Variants in FGD5 observed in about 807,000 individuals in gnomAD.
FGD5 encodes the protein FYVE, RhoGEF and PH domain containing 5, also known as FYVE, RhoGEF and PH domain-containing protein 5.
Under a neutral mutation model 133.4 loss-of-function variants are expected in FGD5, and 28 were observed. The ratio of observed to expected loss-of-function variants is 0.21; its 90% confidence interval spans 0.16 to 0.29. The LOEUF is 0.29. FGD5 is among the 10% of genes least tolerant of loss of function. FGD5 has a pLI of 1.00. For synonymous variants in FGD5, 810 were observed against 776.5 expected (o/e 1.04, Z -0.72); for missense variants, 1,858 against 1,895.2 (o/e 0.98, Z 0.36).
At chr3:14,890,455 G>T (rs1400115625) in intron 4 of FGD5, among the ~76,000 whole-genome samples, 1 of 152,184 alleles carries the variant, frequency 6.6e-6, no homozygotes. Context: ...TTTGCTGAAT[G>T]AATAAAGGAA....
chr3:14,819,014 G>T lies in FGD5; in HGVS notation c.-58G>T. On this transcript the variant is annotated 5_prime_UTR_variant, in exon 1 of 20. Transcript: ENST00000285046. This position sits in a 1 kb window ranked among gnomAD's most constrained non-coding sequence, Gnocchi z 4.1. ...AGACTACCAGTCCACTGACGCCAGT[G>T]ACCGCGCCCAAATTCCCTTCCTCAG... 2.0e-6 allele frequency: 3 copies of T among 1,484,972 alleles called. No individual in the cohort carries two copies. The South Asian group carries it at 4.1e-5, about 20-fold the overall frequency. 92.0% of individuals were successfully genotyped at this position (1,484,972 alleles called of 1,614,324 possible).
chr3:14,894,923 C>CATT (rs2038103906), intron 4 of FGD5, among the ~76,000 whole-genome samples: 4 of 41,110 alleles, frequency 9.7e-5, no homozygotes, highest in African/African-American at 1.4e-4. Context: ...TGAGATGATA[C>CATT]CTTGTAGTTT....
Position 14,841,328 on chromosome 3 carries a change from A to G in FGD5, c.2525+19732A>G, listed in dbSNP as rs77208770. Reference sequence around the variant, plus strand: ...AAGACAGATGGAGTTACCGTCTTAAAGTGTTACATGCAGGATGAGCATTTA... The same window carrying G: ...AAGACAGATGGAGTTACCGTCTTAAGGTGTTACATGCAGGATGAGCATTTA... On this transcript the variant is annotated intron_variant, in intron 1 of 19. Transcript: ENST00000285046. Among the ~76,000 whole-genome samples, 1,044 of 152,334 alleles carry G rather than the reference A, an allele frequency of 6.9e-3. 28 individuals carry two copies. The highest frequency in any genetic ancestry group is 0.053 in the East Asian group (274 of 5,184).
At chr3:14,880,678 G>A (rs375626114) in intron 3 of FGD5, 48 bp downstream of exon 3, 18 of 1,613,804 alleles carry the variant, frequency 1.1e-5, no homozygotes, top group East Asian at 8.9e-5. Flanking sequence ...TAAACAAAAC[G>A]TCACCCTCCT....
chr3:14,821,194 C>T lies in FGD5; in HGVS notation c.2123C>T (p.Ser708Phe). The change falls in exon 1 of 20, where the codon TCT becomes TTT. Residue 708 changes from serine to phenylalanine, a missense_variant. Ser to Phe is a radical substitution (Grantham distance 155). Coordinates refer to ENST00000285046, the MANE Select transcript of FGD5 (RefSeq NM_152536.4). The part of the protein sequence containing the change: ...RSLSNSPQLK[S>F]RTGKLRASES... ...CTCAGCAACTCCCCTCAGCTTAAGT[C>T]TCGGACTGGGAAGCTCCGGGCTTCT... 1 of 1,613,972 alleles carries T rather than the reference C, an allele frequency of 6.2e-7. No individual in the cohort carries two copies. The highest frequency in any genetic ancestry group is 8.5e-7 in the Non-Finnish European group (1 of 1,179,888).
intron 2 of FGD5, among the ~76,000 whole-genome samples, chr3:14,874,255 A>G (rs1377428266): frequency 6.6e-6 from 1 of 152,160 alleles, no homozygotes; most frequent in East Asian, 1.9e-4. Flanking sequence ...ATGGTGGCTC[A>G]TGCCTGTGTT....
At chr3:14,851,939 C>T (rs896028120) in intron 1 of FGD5, among the ~76,000 whole-genome samples, 1 of 148,466 alleles carries the variant, frequency 6.7e-6, no homozygotes, top group African/African-American at 2.5e-5. Flanking sequence ...AAAAAAAAGG[C>T]AGACAATAAC....
chr3:14,825,645 T>A (rs2036586004), intron 1 of FGD5, among the ~76,000 whole-genome samples: 1 of 152,086 alleles, frequency 6.6e-6, no homozygotes, highest in African/African-American at 2.4e-5. Flanking sequence ...CAGACCCTGA[T>A]TCAAAAGAAA....
chr3:14,859,930 A>C (rs912215202), intron 1 of FGD5, among the ~76,000 whole-genome samples: 3 of 152,260 alleles, frequency 2.0e-5, no homozygotes, highest in Admixed American at 2.0e-4. Context: ...AACTGTTTCC[A>C]TGTCATTAAA....
At position 14,923,157 on chromosome 3, in the gene FGD5, G is replaced by A; in HGVS notation, c.3919G>A (p.Val1307Ile). Residue 1307 changes from valine to isoleucine, a missense_variant, in exon 16 of 20, where the codon GTC (valine) becomes ATC (isoleucine). Val to Ile is a conservative substitution (Grantham distance 29). This residue lies in a region of FGD5 where 1,824 missense variants were observed against 1,848.9 expected (regional missense o/e 0.99). Transcript: ENST00000285046. ...GGAGCTGAAGAAGCGGGGCAGGGCT[G>A]TCCCGGGCCTGATGAGAGGTAACCT... The part of the protein sequence containing the change: ...FGELKKRGRA[V>I]PGLMRERPVS... 2 of 1,613,482 alleles carry A rather than the reference G, an allele frequency of 1.2e-6. No individual in the cohort carries two copies. Among genetic ancestry groups the A allele is most frequent in the Non-Finnish European group, 1.7e-6 (2 of 1,179,776 alleles).
At chr3:14,858,270 A>G (rs2037324715) in intron 1 of FGD5, among the ~76,000 whole-genome samples, 1 of 148,608 alleles carries the variant, frequency 6.7e-6, no homozygotes, top group South Asian at 2.2e-4. Flanking sequence ...GGTGAGAAGG[A>G]GGGATGGCTG....
At position 14,819,903 on chromosome 3, in the gene FGD5, G is replaced by A. The variant is rs1322352192; in HGVS notation, c.832G>A (p.Gly278Arg). 1 of 1,613,908 alleles carries A rather than the reference G, an allele frequency of 6.2e-7. No homozygotes were observed. Among genetic ancestry groups the A allele is most frequent in the South Asian group, 1.1e-5 (1 of 91,070 alleles). ...AGACTGCCCTGAAGTTCTTGAGGAG[G>A]GATGTGAAGAGGCCACGGGTGTCAC... ...ATDCPEVLEE[G>R]CEEATGVTGG... The change falls in exon 1 of 20, where the codon GGA becomes AGA. Residue 278 changes from glycine (G) to arginine (R), a missense_variant. By Grantham distance (125) the Gly-to-Arg change is moderately radical (BLOSUM62 -2). Around this residue, in one of 3 missense-constraint regions of FGD5, gnomAD observed 1,824 missense variants for 1,848.9 expected, o/e 0.99. Transcript: ENST00000285046. This position sits in a 1 kb window ranked among gnomAD's most constrained non-coding sequence, Gnocchi z 4.1.
intron 1 of FGD5, among the ~76,000 whole-genome samples, chr3:14,851,550 G>A (rs1423309288): frequency 1.3e-5 from 2 of 152,234 alleles, no homozygotes; most frequent in African/African-American, 2.4e-5. Flanking sequence ...TCTGCTGCCA[G>A]CATCACTACC....
rs538118925 is a variant in FGD5 at position 14,864,093 on chromosome 3, A to G, written c.2526-35A>G. On this transcript the variant is annotated intron_variant, in intron 1 of 19. Transcript: ENST00000285046. The stretch of plus-strand genomic sequence containing the variant: ...GTTCACTTTGCCTATGCTAAACAAA[A>G]AGCTTTAACCCTTCTTTCCCCTGCT... 141 of 1,596,410 alleles carry G rather than the reference A, an allele frequency of 8.8e-5. 2 individuals carry two copies. In the East Asian group the frequency reaches 3.1e-3, roughly 35 times the overall value.
intron 18 of FGD5, among the ~76,000 whole-genome samples, chr3:14,928,861 T>C (rs191215229): frequency 6.6e-6 from 1 of 152,350 alleles, no homozygotes; most frequent in East Asian, 1.9e-4. Context: ...TCTATACCTT[T>C]TACTTTTTGA....
intron 2 of FGD5, among the ~76,000 whole-genome samples, chr3:14,870,966 A>G (rs1046272295): frequency 1.3e-5 from 2 of 152,224 alleles, no homozygotes; most frequent in African/African-American, 4.8e-5. Flanking sequence ...TTCTTCGACC[A>G]GACATCATGC....
At chr3:14,844,231 T>A (rs1186249744) in intron 1 of FGD5, among the ~76,000 whole-genome samples, 1,658 of 20,976 alleles carry the variant, frequency 0.079, 242 homozygotes, top group Non-Finnish European at 0.095. Context: ...TATATATATA[T>A]ATATATATAT....
At position 14,897,672 on chromosome 3, in the gene FGD5, G is replaced by A; in HGVS notation, c.2909+3G>A. The A allele has an allele frequency of 6.2e-7, 1 of 1,600,874 alleles. No individual in the cohort carries two copies. The highest frequency in any genetic ancestry group is 8.5e-7 in the Non-Finnish European group (1 of 1,173,834). On this transcript the variant is annotated splice_donor_region_variant and intron_variant, in intron 5 of 19. Transcript: ENST00000285046. ...CTGGAGGAAAGGCTGTCAAATTGGT[G>A]AGCAGTCCCTGGACCCCCGGGTTCC...
At position 14,873,870 on chromosome 3, in the gene FGD5, C is replaced by T. The variant is rs527576187; in HGVS notation, c.2659-6702C>T. 6.0e-3 allele frequency among the ~76,000 whole-genome samples: 917 copies of T among 152,126 alleles called. 5 individuals are homozygous for T. The highest frequency in any genetic ancestry group is 1.0e-2 in the Non-Finnish European group (677 of 67,996). ...CCGAGTAGCTGGGACTACAGGCTCA[C>T]GCCACCATGCCAGACTAATTTTTGT... On this transcript the variant is annotated intron_variant, in intron 2 of 19. Coordinates refer to ENST00000285046, the MANE Select transcript of FGD5 (RefSeq NM_152536.4).
Sources: gnomAD v4.1 joint callset for allele counts (sites outside exome capture counted in the v4.1 genomes callset) on GRCh38, gnomAD v4.1.1 for gene constraint, gnomAD v4.1.1 regional missense constraint, Gnocchi (gnomAD v3.1) non-coding constraint, MANE v1.5 for transcripts, NCBI Gene and HGNC (gene_info 2026-07-23, HGNC 2026-07-21) for gene names.